Variants in NFATC3 observed in about 807,000 individuals in gnomAD.
NFATC3 encodes the protein nuclear factor of activated T-cells, cytoplasmic 3.
NFATC3 carries 46 observed loss-of-function variants against 98.6 expected under a neutral mutation model. That is an observed-to-expected ratio of 0.47 (90% CI 0.37 to 0.60). The LOEUF is 0.60. Among genes scored for constraint, NFATC3 ranks in the 20% least tolerant of loss-of-function variants. The pLI is 0.00. For missense variants in NFATC3, 1,256 were observed against 1,295.5 expected (o/e 0.97, Z 0.47); for synonymous variants, 512 against 472.2 (o/e 1.08, Z -1.09).
chr16:68,167,915 CT>C (rs1469842652), intron 5 of NFATC3, among the ~76,000 whole-genome samples: 2 of 137,604 alleles, frequency 1.5e-5, no homozygotes, highest in East Asian at 4.8e-4. Context: ...TCACTGCAAC[CT>C]CCACCTCCTA....
intron 9 of NFATC3, among the ~76,000 whole-genome samples, chr16:68,207,693 C>T (rs1370717710): frequency 6.6e-6 from 1 of 152,152 alleles, no homozygotes; most frequent in Non-Finnish European, 1.5e-5. Flanking sequence ...GTCTTCTGAC[C>T]TCAGGTCACC....
chr16:68,197,118 A>T lies in NFATC3; in HGVS notation c.3106+5343A>T, dbSNP rs868671524. On this transcript the variant is annotated intron_variant, in intron 9 of 9. Transcript: ENST00000346183. ...AATATCTCGTTTTTAATTTTTTTTTATTTTTTGTAGAGATGAAATCTTGCT... is the reference window on the plus strand; with the variant it reads ...AATATCTCGTTTTTAATTTTTTTTTTTTTTTTGTAGAGATGAAATCTTGCT... Among the ~76,000 whole-genome samples the T allele has an allele frequency of 4.2e-4, 63 of 151,556 alleles. 1 individual carries two copies. In the Middle Eastern group the frequency reaches 0.02, roughly 49 times the overall value.
chr16:68,108,701 A>G (rs565806180), intron 1 of NFATC3, among the ~76,000 whole-genome samples: 2 of 152,226 alleles, frequency 1.3e-5, no homozygotes, highest in African/African-American at 4.8e-5. Context: ...GATTCTTCCT[A>G]TCCATGAGCA....
At chr16:68,154,639 G>T (rs1226798009) in intron 3 of NFATC3, among the ~76,000 whole-genome samples, 1 of 152,146 alleles carries the variant, frequency 6.6e-6, no homozygotes, top group Non-Finnish European at 1.5e-5. Context: ...TGACCTTTAC[G>T]TATCTGAATC....
In NFATC3 at chr16:68,227,616, T is replaced by A. The variant is rs1483466511; in HGVS notation, c.*1145T>A. On this transcript the variant is annotated 3_prime_UTR_variant, in exon 10 of 10. Transcript: ENST00000346183. ...AATGATTCTGGCCTACCCTGTCCTG[T>A]CTGTATGATCTAAAAACCAGCCTTT... The A allele has an allele frequency of 6.6e-6, 1 of 152,190 alleles. No homozygotes were observed. The highest frequency in any genetic ancestry group is 1.5e-5 in the Non-Finnish European group (1 of 68,062). The allele number at this position is 152,190 out of a possible 1,614,324, so 9.4% of individuals were successfully genotyped here.
At chr16:68,161,194 A>G (rs992812955) in intron 4 of NFATC3, among the ~76,000 whole-genome samples, 3 of 152,206 alleles carry the variant, frequency 2.0e-5, no homozygotes. Context: ...ACTTTTTTAT[A>G]TAGCATCAGA....
chr16:68,142,649 T>C (rs1421487142), intron 3 of NFATC3, among the ~76,000 whole-genome samples: 2 of 151,934 alleles, frequency 1.3e-5, no homozygotes, highest in Non-Finnish European at 1.5e-5. Flanking sequence ...TCTCAGCTAC[T>C]TGGGAGGCTG....
At position 68,085,616 on chromosome 16, in the gene NFATC3, C is replaced by A; in HGVS notation, c.-66C>A. ...GGCATGAAGCGGCGTTGAGGAGCTG[C>A]TGCCGCCGCTTGCCGCTGCCGCCGC... On this transcript the variant is annotated 5_prime_UTR_variant, in exon 1 of 10. The change creates a new upstream start codon in the 5' untranslated region. Coordinates refer to ENST00000346183, the MANE Select transcript of NFATC3 (RefSeq NM_173165.3). 1 of 1,394,728 alleles carries A rather than the reference C, an allele frequency of 7.2e-7. No homozygotes were observed. Among genetic ancestry groups the A allele is most frequent in the Non-Finnish European group, 9.5e-7 (1 of 1,049,142 alleles). The allele number at this position is 1,394,728 out of a possible 1,614,324, so 86.4% of individuals were successfully genotyped here. A position where few individuals can be genotyped will look rare whatever the true frequency, so the allele number is the denominator to read the frequency against.
At chr16:68,200,996 A>G (rs2040889091) in intron 9 of NFATC3, 1 of 152,096 alleles carries the variant, frequency 6.6e-6, no homozygotes, top group African/African-American at 2.4e-5. Context: ...CAGTGGCACA[A>G]TATCAGCTCA....
At chr16:68,186,590 T>C (rs1474892257) in intron 8 of NFATC3, among the ~76,000 whole-genome samples, 1 of 152,124 alleles carries the variant, frequency 6.6e-6, no homozygotes, top group Admixed American at 6.5e-5. Context: ...CAAATTCTCT[T>C]CTATTCTGAG....
rs35302776 is a variant in NFATC3, at chr16:68,167,810, C to CTTTT, written c.1774+831_1774+834dup. On this transcript the variant is annotated intron_variant, in intron 5 of 9. Transcript: ENST00000346183. ...TTTATATCTGTTAACCGTATGTGTT[C>CTTTT]TTTTTTTTTTTTTTTTTTTTTTTTT... Among the ~76,000 whole-genome samples, 19 of 23,920 alleles carry CTTTT rather than the reference C, an allele frequency of 7.9e-4. 7 individuals carry two copies. Among genetic ancestry groups the CTTTT allele is most frequent in the African/African-American group, 6.6e-4 (7 of 10,548 alleles). The allele number at this position is 23,920 out of a possible 152,430, so 15.7% of individuals were successfully genotyped here.
At position 68,138,501 on chromosome 16, in the gene NFATC3, T is replaced by C. The variant is rs559577865; in HGVS notation, c.1401+11891T>C. On this transcript the variant is annotated intron_variant, in intron 3 of 9. Coordinates refer to ENST00000346183, the MANE Select transcript of NFATC3 (RefSeq NM_173165.3). ...GTTTATTTTGCATTTTCTTTCAAAT[T>C]GTTGCTCAGGAATCCAAGATACGTT... The C allele has an allele frequency of 1.3e-5, 17 of 1,264,740 alleles. No individual in the cohort carries two copies. The African/African-American group carries it at 2.3e-4, about 17-fold the overall frequency. The allele number at this position is 1,264,740 out of a possible 1,614,324, so 78.3% of individuals were successfully genotyped here.
Position 68,181,550 on chromosome 16 carries a change from T to G in NFATC3, c.1971+20T>G. On this transcript the variant is annotated intron_variant, in intron 7 of 9. Transcript: ENST00000346183. ...CAAGGGGTAAGAAATTTACCTTAAT[T>G]CTTAAGAAATATTTAAGACACTGAA... The G allele has an allele frequency of 6.5e-7, 1 of 1,531,832 alleles. No homozygotes were observed. The allele number at this position is 1,531,832 out of a possible 1,614,324, so 94.9% of individuals were successfully genotyped here.
Position 68,111,892 on chromosome 16 carries a change from G to T in NFATC3, c.104-10095G>T, listed in dbSNP as rs149841427. Among the ~76,000 whole-genome samples, 5 of 152,242 alleles carry T rather than the reference G, an allele frequency of 3.3e-5. No individual in the cohort carries two copies. In the East Asian group the frequency reaches 7.7e-4, roughly 23 times the overall value. ...CTCTTTCACTTACGAAGCTTAATTT[G>T]TCCGGATATGACATTTGGGTTGGAA... On this transcript the variant is annotated intron_variant, in intron 1 of 9. Transcript: ENST00000346183.
chr16:68,136,465 T>A (rs968780700), intron 3 of NFATC3, among the ~76,000 whole-genome samples: 2 of 152,228 alleles, frequency 1.3e-5, no homozygotes, highest in African/African-American at 4.8e-5. Context: ...GATAAGGTTT[T>A]GCCATGTTGG....
chr16:68,098,968 A>G (rs2035192803), intron 1 of NFATC3, among the ~76,000 whole-genome samples: 1 of 152,236 alleles, frequency 6.6e-6, no homozygotes, highest in African/African-American at 2.4e-5. Flanking sequence ...CCCAACGATA[A>G]CATCTTGCAT....
intron 5 of NFATC3, 117 bp downstream of exon 5, chr16:68,167,132 T>C: frequency 9.5e-7 from 1 of 1,053,128 alleles, no homozygotes; most frequent in Non-Finnish European, 1.4e-6. Flanking sequence ...TCTGGGTTGC[T>C]GGTTTGATTT....
At chr16:68,138,461 A>G (rs2037563462) in intron 3 of NFATC3, 22 of 1,241,996 alleles carry the variant, frequency 1.8e-5, no homozygotes, top group Non-Finnish European at 2.2e-5. Flanking sequence ...TTAAGACCAA[A>G]AAAATTTTTT....
chr16:68,166,040 T>G (rs1404238975), intron 4 of NFATC3, among the ~76,000 whole-genome samples: 1 of 152,238 alleles, frequency 6.6e-6, no homozygotes, highest in Non-Finnish European at 1.5e-5. Flanking sequence ...CCTTAGAAAT[T>G]CAAGAATTTT....
Sources: gnomAD v4.1 joint callset for allele counts (sites outside exome capture counted in the v4.1 genomes callset) on GRCh38, gnomAD v4.1.1 for gene constraint, MANE v1.5 for transcripts, NCBI Gene and HGNC (gene_info 2026-07-23, HGNC 2026-07-21) for gene names.